The following UMAD1 variants were observed in gnomAD, a reference collection of about 807,000 sequenced individuals.
The protein encoded by UMAD1 is UBAP1-MVB12-associated (UMA)-domain containing protein 1.
UMAD1 carries 8 observed loss-of-function variants against 6.1 expected under a neutral mutation model. The observed-to-expected ratio is 1.30, with a 90% CI of 0.76 to 2.35. The LOEUF (loss-of-function observed/expected upper bound fraction) is 2.35, where lower values mean the gene tolerates loss of function less well. Among genes scored for constraint, UMAD1 ranks in the 30% most tolerant of loss-of-function variants. The pLI is 0.00. For missense variants in UMAD1, 130 were observed against 78.4 expected (o/e 1.66, Z -2.49); for synonymous variants, 56 against 31.4 (o/e 1.78, Z -2.61).
intron 2 of UMAD1, among the ~76,000 whole-genome samples, chr7:7,801,043 C>G (rs964950797): frequency 1.3e-5 from 2 of 152,182 alleles, no homozygotes; most frequent in African/African-American, 4.8e-5. Flanking sequence ...TATACTTACC[C>G]AAGTGTGTTT....
intron 2 of UMAD1, among the ~76,000 whole-genome samples, chr7:7,775,581 A>G (rs2115246759): frequency 6.6e-6 from 1 of 152,324 alleles, no homozygotes; most frequent in South Asian, 2.1e-4. Context: ...GTATTTCTTC[A>G]TAGCAGCATG....
chr7:7,735,307 A>T (rs1298492348), intron 2 of UMAD1, among the ~76,000 whole-genome samples: 1 of 152,210 alleles, frequency 6.6e-6, no homozygotes, highest in Non-Finnish European at 1.5e-5. Flanking sequence ...ATATGTGCAG[A>T]TACACACATA....
chr7:7,779,615 A>C (rs1782304347), intron 2 of UMAD1, among the ~76,000 whole-genome samples: 1 of 151,478 alleles, frequency 6.6e-6, no homozygotes, highest in Non-Finnish European at 1.5e-5. Flanking sequence ...TTTCCTCTTC[A>C]TTTTCTTTTC....
intron 2 of UMAD1, among the ~76,000 whole-genome samples, chr7:7,763,922 C>G (rs1257617925): frequency 6.6e-6 from 1 of 152,058 alleles, no homozygotes; most frequent in Non-Finnish European, 1.5e-5. Context: ...AGTATGTCAA[C>G]TAGTTTTAGA....
intron 3 of UMAD1, among the ~76,000 whole-genome samples, chr7:7,831,856 A>G (rs951343372): frequency 1.3e-5 from 2 of 152,144 alleles, no homozygotes; most frequent in Admixed American, 6.5e-5. Flanking sequence ...GTTTAATGCA[A>G]ATTTTCTTCT....
intron 3 of UMAD1, among the ~76,000 whole-genome samples, chr7:7,842,689 A>G (rs1783705917): frequency 6.6e-6 from 1 of 152,200 alleles, no homozygotes; most frequent in East Asian, 1.9e-4. Context: ...TTATTAAAAT[A>G]AAGAGTACAT....
chr7:7,697,991 AC>A (rs1427059951), intron 2 of UMAD1, among the ~76,000 whole-genome samples: 2 of 152,122 alleles, frequency 1.3e-5, no homozygotes, highest in Non-Finnish European at 2.9e-5. Context: ...TAGCAAGCTG[AC>A]CCCACTACTC....
At chr7:7,814,052 C>T (rs1034414863) in intron 3 of UMAD1, among the ~76,000 whole-genome samples, 7 of 151,772 alleles carry the variant, frequency 4.6e-5, no homozygotes, top group African/African-American at 1.5e-4. Flanking sequence ...GGCGTGATCT[C>T]GGCTCACTGC....
intron 2 of UMAD1, among the ~76,000 whole-genome samples, chr7:7,704,600 A>G (rs1213784098): frequency 1.6e-5 from 1 of 62,842 alleles, no homozygotes; most frequent in African/African-American, 6.1e-5. Flanking sequence ...CTAAAATAGA[A>G]AAAAAAAAAA....
intron 3 of UMAD1, among the ~76,000 whole-genome samples, chr7:7,852,467 C>G (rs1459372927): frequency 6.6e-6 from 1 of 152,216 alleles, no homozygotes; most frequent in Non-Finnish European, 1.5e-5. Flanking sequence ...GTCCAGGCCC[C>G]TGGATCTTCT....
intron 2 of UMAD1, among the ~76,000 whole-genome samples, chr7:7,722,204 T>A (rs1781063738): frequency 6.7e-6 from 1 of 149,626 alleles, no homozygotes; most frequent in Non-Finnish European, 1.5e-5. Flanking sequence ...TCTATATAGA[T>A]ATATAGATAT....
At chr7:7,787,964 C>T (rs1389420272) in intron 2 of UMAD1, among the ~76,000 whole-genome samples, 2 of 152,180 alleles carry the variant, frequency 1.3e-5, no homozygotes, top group African/African-American at 4.8e-5. Flanking sequence ...TCATCAGAAA[C>T]TTAAATTTTT....
intron 3 of UMAD1, among the ~76,000 whole-genome samples, chr7:7,821,962 T>C (rs1783249814): frequency 6.6e-6 from 1 of 152,140 alleles, no homozygotes. Context: ...CTATCACTTA[T>C]TATATTATTA....
At chr7:7,777,472 C>T in intron 2 of UMAD1, among the ~76,000 whole-genome samples, 1 of 145,514 alleles carries the variant, frequency 6.9e-6, no homozygotes, top group Admixed American at 6.9e-5. Flanking sequence ...AACCACCGCA[C>T]TCCAGCCTGG....
At chr7:7,809,353 T>G (rs931679483) in intron 3 of UMAD1, among the ~76,000 whole-genome samples, 3 of 152,004 alleles carry the variant, frequency 2.0e-5, no homozygotes, top group Non-Finnish European at 4.4e-5. Context: ...CATTATAGAA[T>G]TCATAGTTCA....
intron 3 of UMAD1, among the ~76,000 whole-genome samples, chr7:7,826,252 T>G (rs916785799): frequency 6.6e-6 from 1 of 152,150 alleles, no homozygotes. Flanking sequence ...CGTTAGGCAA[T>G]TGAGGGCTGA....
intron 2 of UMAD1, among the ~76,000 whole-genome samples, chr7:7,733,996 T>C (rs2115195006): frequency 6.6e-6 from 1 of 152,300 alleles, no homozygotes; most frequent in East Asian, 1.9e-4. Flanking sequence ...TTTTTTGTTA[T>C]AAATAGTTAA....
intron 2 of UMAD1, among the ~76,000 whole-genome samples, chr7:7,722,488 G>A (rs1781069951): frequency 6.6e-6 from 1 of 152,080 alleles, no homozygotes; most frequent in African/African-American, 2.4e-5. Context: ...TGAGACAAGG[G>A]GTTTAGTGAC....
chr7:7,666,136 T>C (rs1036554543), intron 1 of UMAD1, among the ~76,000 whole-genome samples: 2 of 152,156 alleles, frequency 1.3e-5, no homozygotes, highest in Non-Finnish European at 2.9e-5. Flanking sequence ...GTACAAGAGT[T>C]CCAGTTGCTC....
Sources: gnomAD v4.1 joint callset for allele counts (sites outside exome capture counted in the v4.1 genomes callset) on GRCh38, gnomAD v4.1.1 for gene constraint, MANE v1.5 for transcripts, NCBI Gene and HGNC (gene_info 2026-07-23, HGNC 2026-07-21) for gene names.